The following HERC1 variants were observed in gnomAD, a reference collection of about 807,000 sequenced individuals.
The protein encoded by HERC1 is HECT and RLD domain containing E3 ubiquitin protein ligase family member 1, also known as probable E3 ubiquitin-protein ligase HERC1.
In HERC1, 160 loss-of-function variants were observed where a neutral mutation model predicts 554.3. The ratio of observed to expected loss-of-function variants is 0.29; its 90% confidence interval spans 0.25 to 0.33. The LOEUF is 0.33. Among genes scored for constraint, HERC1 ranks in the 10% least tolerant of loss-of-function variants. The pLI is 1.00. For synonymous variants in HERC1, 2,175 were observed against 2,131.7 expected, an observed-to-expected ratio of 1.02 and a Z score of -0.56; for missense variants, 4,919 against 5,918.5, an observed-to-expected ratio of 0.83 and a Z score of 5.54.
chr15:63,799,684 G>A (rs1457938972), intron 1 of HERC1, among the ~76,000 whole-genome samples: 4 of 152,142 alleles, frequency 2.6e-5, no homozygotes, highest in Non-Finnish European at 5.9e-5. Context: ...GGAAAAGACA[G>A]AAGATGGAAA....
At chr15:63,690,305 T>C (rs1326667565) in intron 32 of HERC1, among the ~76,000 whole-genome samples, 1 of 152,212 alleles carries the variant, frequency 6.6e-6, no homozygotes, top group African/African-American at 2.4e-5. Flanking sequence ...TTCCAGATTT[T>C]TCTTTCCTTC....
intron 2 of HERC1, 109 bp downstream of exon 2, chr15:63,774,585 A>C: frequency 1.2e-6 from 1 of 802,100 alleles, no homozygotes; most frequent in Non-Finnish European, 2.0e-6. Flanking sequence ...TTAACTCAAC[A>C]ATCACCAAAA....
chr15:63,614,864 G>A (rs990635764), intron 76 of HERC1, among the ~76,000 whole-genome samples: 2 of 152,152 alleles, frequency 1.3e-5, no homozygotes, highest in African/African-American at 2.4e-5. Flanking sequence ...TGCAAGTTGA[G>A]GAAACAAGAC....
In HERC1 at chr15:63,631,570, G is replaced by A. The variant is rs531174216; in HGVS notation, c.12797-935C>T. Reference sequence around the variant, plus strand: ...ATCTTTTTTTTTGAGATGAAGTTTCGCTCTTGTCGCCCAGGCTGGAATGCA... The same window carrying A: ...ATCTTTTTTTTTGAGATGAAGTTTCACTCTTGTCGCCCAGGCTGGAATGCA... On this transcript the variant is annotated intron_variant, in intron 68 of 77. Transcript: ENST00000443617. Among the ~76,000 whole-genome samples, 65 of 151,730 alleles carry A rather than the reference G, an allele frequency of 4.3e-4. No homozygotes were observed. The South Asian group carries it at 0.013, about 30-fold the overall frequency.
At chr15:63,650,416 C>T (rs982530648) in intron 53 of HERC1, among the ~76,000 whole-genome samples, 7 of 151,484 alleles carry the variant, frequency 4.6e-5, no homozygotes, top group South Asian at 2.1e-4. Flanking sequence ...TTTTCTGTAA[C>T]CTTTTTTTTT....
At chr15:63,636,379 T>G (rs1450685072) in intron 64 of HERC1, among the ~76,000 whole-genome samples, 3 of 151,846 alleles carry the variant, frequency 2.0e-5, no homozygotes, top group African/African-American at 7.3e-5. Flanking sequence ...CAAGTGATTC[T>G]CTTGCCTCAG....
At position 63,802,295 on chromosome 15, in the gene HERC1, C is replaced by T. The variant is rs559707822; in HGVS notation, c.-26-26646G>A. On this transcript the variant is annotated intron_variant, in intron 1 of 77. Coordinates refer to ENST00000443617, the MANE Select transcript of HERC1 (RefSeq NM_003922.4). ...CCTGCTAAAAAAGAAAAAACTTTTT[C>T]GTTGTTATTATTGCTATTTAAGAAA... Among the ~76,000 whole-genome samples, 185 of 152,238 alleles carry T rather than the reference C, an allele frequency of 1.2e-3. 1 individual carries two copies. The highest frequency in any genetic ancestry group is 4.4e-3 in the African/African-American group (181 of 41,536).
chr15:63,794,835 G>A (rs1196013278), intron 1 of HERC1, among the ~76,000 whole-genome samples: 1 of 152,012 alleles, frequency 6.6e-6, no homozygotes, highest in Non-Finnish European at 1.5e-5. Flanking sequence ...GGAGGCCGAG[G>A]TGGGCGGATC....
intron 12 of HERC1, among the ~76,000 whole-genome samples, chr15:63,744,427 C>T (rs761949248): frequency 1.2e-4 from 19 of 152,182 alleles, no homozygotes; most frequent in Non-Finnish European, 2.6e-4. Flanking sequence ...TCCTTCCCTT[C>T]AGGGGGAGTG....
rs567564538 is a variant in HERC1 at position 63,762,993 on chromosome 15, C to T, written c.1026+1103G>A. Among the ~76,000 whole-genome samples the T allele has an allele frequency of 1.1e-3, 169 of 152,264 alleles. 2 individuals are homozygous for T. In the South Asian group the frequency reaches 0.029, roughly 27 times the overall value. On this transcript the variant is annotated intron_variant, in intron 3 of 77. Transcript: ENST00000443617. The stretch of plus-strand genomic sequence containing the variant: ...TAAACCATCACAGCTGTAGACCATG[C>T]GCCTGCCCTTTTGACCTCCACATTC...
In HERC1 at chr15:63,612,582, C is replaced by A; in HGVS notation, c.14095-26G>T. The A allele has an allele frequency of 6.2e-7, 1 of 1,600,032 alleles. No individual in the cohort carries two copies. ...CTGCTCCCGGGAGAGGTTGCTCATTCAATGAGTGTGCGTGAACCTGGCACC... is the reference window on the plus strand; with the variant it reads ...CTGCTCCCGGGAGAGGTTGCTCATTAAATGAGTGTGCGTGAACCTGGCACC... On this transcript the variant is annotated intron_variant, in intron 76 of 77. Transcript: ENST00000443617. This position sits in a 1 kb window ranked among gnomAD's most constrained non-coding sequence, Gnocchi z 5.0.
At chr15:63,708,595 G>A (rs1172130322) in intron 24 of HERC1, among the ~76,000 whole-genome samples, 1 of 152,202 alleles carries the variant, frequency 6.6e-6, no homozygotes, top group African/African-American at 2.4e-5. Context: ...GGTATTCTCT[G>A]TTTTAGCAAG....
chr15:63,774,931 T>C lies in HERC1; in HGVS notation c.693A>G (p.Gly231=). The C allele has an allele frequency of 5.0e-6, 8 of 1,614,046 alleles. No individual in the cohort carries two copies. Among genetic ancestry groups the C allele is most frequent in the Non-Finnish European group, 6.8e-6 (8 of 1,179,894 alleles). Residue 231 remains glycine (G), a synonymous_variant, in exon 2 of 78, where the codon GGA becomes GGG. Coordinates refer to ENST00000443617, the MANE Select transcript of HERC1 (RefSeq NM_003922.4). ...CLSQVTTFLK[G]VTIPNSGADT... ...CTGCCCCAGAATTAGGAATAGTGACTCCTTTAAGAAATGTTGTTACTTGCG... is the reference window on the plus strand; with the variant it reads ...CTGCCCCAGAATTAGGAATAGTGACCCCTTTAAGAAATGTTGTTACTTGCG...
chr15:63,618,546 A>C (rs565493368), intron 74 of HERC1, among the ~76,000 whole-genome samples: 2 of 151,968 alleles, frequency 1.3e-5, no homozygotes, highest in Admixed American at 6.6e-5. Context: ...GAAGAAAGTC[A>C]TTGGTAGCTT....
intron 19 of HERC1, among the ~76,000 whole-genome samples, chr15:63,720,406 G>T: frequency 6.6e-6 from 1 of 152,046 alleles, no homozygotes; most frequent in South Asian, 2.1e-4. Context: ...CCGTTCATTT[G>T]ACAGATTTGC....
chr15:63,765,915 G>A (rs1303874457), intron 2 of HERC1, among the ~76,000 whole-genome samples: 1 of 152,026 alleles, frequency 6.6e-6, no homozygotes, highest in East Asian at 1.9e-4. Context: ...GGAGTGCAAT[G>A]GCTTTCTAAA....
intron 1 of HERC1, among the ~76,000 whole-genome samples, chr15:63,831,129 T>TA (rs2078138597): frequency 6.6e-6 from 1 of 152,180 alleles, no homozygotes; most frequent in African/African-American, 2.4e-5. Context: ...GCTTTTGAGA[T>TA]AGAGTCTCAC....
At chr15:63,816,770 G>T (rs2077506452) in intron 1 of HERC1, among the ~76,000 whole-genome samples, 1 of 151,870 alleles carries the variant, frequency 6.6e-6, no homozygotes, top group Admixed American at 6.6e-5. Flanking sequence ...CAACTTACAG[G>T]GTTGAAGAAA....
chr15:63,656,334 A>G lies in HERC1; in HGVS notation c.9624T>C (p.Ala3208=). Residue 3208 remains alanine, a synonymous_variant, in exon 49 of 78, where the codon GCT becomes GCC. Coordinates refer to ENST00000443617, the MANE Select transcript of HERC1 (RefSeq NM_003922.4). ...CTGTTAGCCCCAGAGACTCAAGACC[A>G]GCAGCCAGGCTACAACTGGAACCAC... ...SVSGSSCSLA[A]GLESLGLTDI... is the part of the protein sequence containing the mutation. 6.2e-7 allele frequency: 1 copy of G among 1,612,114 alleles called. No homozygotes were observed. Among genetic ancestry groups the G allele is most frequent in the Non-Finnish European group, 8.5e-7 (1 of 1,178,720 alleles).
Sources: gnomAD v4.1 joint callset for allele counts (sites outside exome capture counted in the v4.1 genomes callset) on GRCh38, gnomAD v4.1.1 for gene constraint, Gnocchi (gnomAD v3.1) non-coding constraint, MANE v1.5 for transcripts, NCBI Gene and HGNC (gene_info 2026-07-23, HGNC 2026-07-21) for gene names.